Variants in DGKB observed in about 807,000 individuals in gnomAD.
The protein encoded by DGKB is diacylglycerol kinase beta.
In DGKB, 67 loss-of-function variants were observed where a neutral mutation model predicts 114.3. That is an observed-to-expected ratio of 0.59 (90% CI 0.48 to 0.72). The LOEUF (loss-of-function observed/expected upper bound fraction) is 0.72. Ranked by LOEUF, DGKB falls within the 30% of genes least tolerant of loss-of-function variation. DGKB has a pLI of 0.00. For missense variants in DGKB, 907 were observed against 975.2 expected (o/e 0.93, Z 0.93); for synonymous variants, 398 against 323.1 (o/e 1.23, Z -2.49).
chr7:14,834,005 T>A (rs1379911807), intron 2 of DGKB, among the ~76,000 whole-genome samples: 2 of 152,164 alleles, frequency 1.3e-5, no homozygotes, highest in African/African-American at 2.4e-5. Flanking sequence ...GAATAATGAA[T>A]ACAGTTAAGT....
At chr7:14,482,476 T>C (rs1480594956) in intron 20 of DGKB, among the ~76,000 whole-genome samples, 4 of 152,066 alleles carry the variant, frequency 2.6e-5, no homozygotes, top group Admixed American at 6.6e-5. Context: ...TTCACATAAA[T>C]ATTTCTGCAC....
At chr7:14,264,451 G>A (rs1247326743) in intron 23 of DGKB, among the ~76,000 whole-genome samples, 2 of 152,022 alleles carry the variant, frequency 1.3e-5, no homozygotes, top group East Asian at 3.9e-4. Context: ...TTTAGGCAGA[G>A]GTCCTAAGAG....
chr7:14,936,334 T>G (rs1488626222), intron 1 of DGKB, among the ~76,000 whole-genome samples: 8 of 152,110 alleles, frequency 5.3e-5, no homozygotes, highest in Non-Finnish European at 1.2e-4. Context: ...GAGGCTAAAA[T>G]TGAGCATGAG....
chr7:14,634,715 G>A (rs972362904), intron 13 of DGKB, among the ~76,000 whole-genome samples: 2 of 151,480 alleles, frequency 1.3e-5, no homozygotes, highest in South Asian at 2.1e-4. Flanking sequence ...AGCTGGACAG[G>A]TAAAGTTGTT....
chr7:14,923,016 C>A (rs938534851), intron 1 of DGKB, among the ~76,000 whole-genome samples: 3 of 152,146 alleles, frequency 2.0e-5, no homozygotes, highest in African/African-American at 7.2e-5. Flanking sequence ...TCCATCCCTC[C>A]TTTTCCACCA....
chr7:14,500,734 C>T (rs1318181215), intron 20 of DGKB, among the ~76,000 whole-genome samples: 2 of 151,722 alleles, frequency 1.3e-5, no homozygotes, highest in Non-Finnish European at 2.9e-5. Flanking sequence ...TTGATAGAAG[C>T]TCAAAGGACC....
At chr7:14,354,977 G>A (rs1814164256) in intron 21 of DGKB, among the ~76,000 whole-genome samples, 1 of 152,154 alleles carries the variant, frequency 6.6e-6, no homozygotes, top group Non-Finnish European at 1.5e-5. Context: ...CATAATCAAG[G>A]TAGTGCCCAC....
chr7:14,813,254 T>C (rs188448934), intron 2 of DGKB, among the ~76,000 whole-genome samples: 1 of 152,338 alleles, frequency 6.6e-6, no homozygotes, highest in East Asian at 1.9e-4. Flanking sequence ...AAGGAAGAGA[T>C]ATATAGATAA....
intron 12 of DGKB, among the ~76,000 whole-genome samples, chr7:14,673,400 CTTTT>C (rs374138480): frequency 3.1e-5 from 4 of 131,084 alleles, no homozygotes; most frequent in Non-Finnish European, 4.9e-5. Flanking sequence ...CCTGTGTATG[CTTTT>C]TTTTTTTTTT....
At chr7:14,752,816 G>A (rs554493998) in intron 4 of DGKB, among the ~76,000 whole-genome samples, 3 of 152,192 alleles carry the variant, frequency 2.0e-5, no homozygotes, top group Non-Finnish European at 2.9e-5. Context: ...TTTAATAGCC[G>A]AGTCCTGAAA....
chr7:14,384,875 C>T (rs988085692), intron 21 of DGKB, among the ~76,000 whole-genome samples: 1 of 152,176 alleles, frequency 6.6e-6, no homozygotes, highest in African/African-American at 2.4e-5. Context: ...CGCCACTCAA[C>T]ACAAGGAACT....
intron 2 of DGKB, among the ~76,000 whole-genome samples, chr7:14,760,840 G>T (rs2128453640): frequency 6.6e-6 from 1 of 152,280 alleles, no homozygotes; most frequent in Admixed American, 6.5e-5. Flanking sequence ...ATGACTCAGA[G>T]AAGGGGAAAG....
intron 2 of DGKB, among the ~76,000 whole-genome samples, chr7:14,758,916 G>GATAGATAGATAGATAC (rs1562462273): frequency 2.0e-5 from 3 of 148,458 alleles, no homozygotes; most frequent in African/African-American, 7.8e-5. Flanking sequence ...TAGATAGATA[G>GATAGATAGATAGATAC]ATAGATAGAT....
At chr7:14,970,609 A>G (rs1787407742) in intron 1 of DGKB, among the ~76,000 whole-genome samples, 1 of 152,126 alleles carries the variant, frequency 6.6e-6, no homozygotes, top group African/African-American at 2.4e-5. Flanking sequence ...TATCCTCAGA[A>G]TGCTCCCGTG....
intron 1 of DGKB, among the ~76,000 whole-genome samples, chr7:14,955,010 A>C (rs756319167): frequency 6.6e-6 from 1 of 152,098 alleles, no homozygotes; most frequent in African/African-American, 2.4e-5. Flanking sequence ...GAAGAGTACA[A>C]TAGAGGAGAC....
chr7:14,666,969 A>T (rs755293787), intron 13 of DGKB, among the ~76,000 whole-genome samples: 1 of 152,008 alleles, frequency 6.6e-6, no homozygotes, highest in African/African-American at 2.4e-5. Context: ...TTTGAATGAA[A>T]ACACCATATG....
At chr7:14,429,656 T>C (rs922933643) in intron 21 of DGKB, among the ~76,000 whole-genome samples, 3 of 152,064 alleles carry the variant, frequency 2.0e-5, no homozygotes, top group Admixed American at 6.6e-5. Flanking sequence ...GGCACGGTGG[T>C]TCATGCCTGT....
chr7:14,267,310 A>C (rs1339766752), intron 23 of DGKB, among the ~76,000 whole-genome samples: 1 of 152,114 alleles, frequency 6.6e-6, no homozygotes, highest in African/African-American at 2.4e-5. Context: ...AATCATGTGA[A>C]GAGGCCCTGA....
chr7:14,543,136 A>G (rs1006364727), intron 20 of DGKB, among the ~76,000 whole-genome samples: 1 of 152,182 alleles, frequency 6.6e-6, no homozygotes. Context: ...ACTACAGTAT[A>G]TGAAAAGGAT....
Sources: gnomAD v4.1 joint callset for allele counts (sites outside exome capture counted in the v4.1 genomes callset) on GRCh38, gnomAD v4.1.1 for gene constraint, MANE v1.5 for transcripts, NCBI Gene and HGNC (gene_info 2026-07-23, HGNC 2026-07-21) for gene names.